FGF13: variants seen among roughly 807,000 people sequenced by gnomAD.
The protein encoded by FGF13 is fibroblast growth factor homologous factor 2.
In FGF13, 2 loss-of-function variants were observed where a neutral mutation model predicts 19.5. The observed-to-expected ratio is 0.10, with a 90% CI of 0.04 to 0.32. FGF13 has a LOEUF of 0.32. Ranked by LOEUF, FGF13 falls within the 10% of genes least tolerant of loss-of-function variation. FGF13 has a pLI of 1.00. For synonymous variants in FGF13, 72 were observed against 76.9 expected (o/e 0.94, Z 0.33); for missense variants, 113 against 192.7 (o/e 0.59, Z 2.45).
intron 1 of FGF13, among the ~76,000 whole-genome samples, chrX:138,958,519 G>T (rs1243611242): frequency 1.8e-5 from 2 of 111,697 alleles, no homozygotes; most frequent in African/African-American, 6.5e-5. Flanking sequence ...TTGGTATCAG[G>T]ATTATGCTGG....
At chrX:138,670,834 T>C (rs1237754858) in intron 3 of FGF13, among the ~76,000 whole-genome samples, 2 of 111,970 alleles carry the variant, frequency 1.8e-5, no homozygotes, top group Non-Finnish European at 3.8e-5. Context: ...TTAATTCAAG[T>C]CATCTGAGGA....
At chrX:138,638,271 C>T (rs1379562737) in intron 3 of FGF13, among the ~76,000 whole-genome samples, 2 of 112,076 alleles carry the variant, frequency 1.8e-5, no homozygotes, top group Non-Finnish European at 3.8e-5. Flanking sequence ...CACTACCATG[C>T]CTTCCAGCGT....
In FGF13 at chrX:139,069,526, G is replaced by A. The variant is rs751503413; in HGVS notation, c.-113+133890C>T. Among the ~76,000 whole-genome samples, 828 of 96,976 alleles carry A rather than the reference G, an allele frequency of 8.5e-3. 13 individuals are homozygous for A. The highest frequency in any genetic ancestry group is 0.03 in the African/African-American group (785 of 26,451). The allele number at this position is 96,976 out of a possible 115,157, so 84.2% of individuals were successfully genotyped here. A position where few individuals can be genotyped will look rare whatever the true frequency, so the allele number is the denominator to read the frequency against. On this transcript the variant is annotated intron_variant, in intron 1 of 2. Transcript: ENST00000421460. The stretch of plus-strand genomic sequence containing the variant: ...ATACCTAATGCTAGATGACGAGTTC[G>A]TGGGTGCAGCGCCCCAGCATGGCAC...
At chrX:138,958,199 C>A (rs1017552856) in intron 1 of FGF13, among the ~76,000 whole-genome samples, 10 of 111,702 alleles carry the variant, frequency 9.0e-5, no homozygotes, top group Middle Eastern at 4.6e-3. Context: ...AGATACGTCC[C>A]ATTGATACCT....
rs767827796 is a variant in FGF13 at position 139,021,884 on chromosome X, TTAAA to T, written c.-112-157238_-112-157235del. Among the ~76,000 whole-genome samples, 205 of 112,225 alleles carry T rather than the reference TTAAA, an allele frequency of 1.8e-3. 2 individuals carry two copies. Among genetic ancestry groups the T allele is most frequent in the African/African-American group, 6.3e-3 (197 of 31,052 alleles). On this transcript the variant is annotated intron_variant, in intron 1 of 2. Coordinates refer to the FGF13 transcript ENST00000421460. Reference sequence around the variant, plus strand: ...TGGTAAATACTTTAAAAGTGAATACTTAAATAAATAGCCACCACATCGACTTCAC... The same window carrying T: ...TGGTAAATACTTTAAAAGTGAATACTTAAATAGCCACCACATCGACTTCAC...
chrX:138,702,979 CT>C lies in FGF13; in HGVS notation c.402+4del. On this transcript the variant is annotated splice_donor_region_variant and intron_variant, in intron 3 of 4. Coordinates refer to ENST00000315930, the MANE Select transcript of FGF13 (RefSeq NM_004114.5). The stretch of plus-strand genomic sequence containing the variant: ...GTCAAAACATGCACACAGTCAAAAG[CT>C]TACCGAGGTGTACAAGTATCCCTCA... The C allele has an allele frequency of 8.5e-7, 1 of 1,180,306 alleles. No individual in the cohort carries two copies. Among genetic ancestry groups the C allele is most frequent in the Non-Finnish European group, 1.2e-6 (1 of 867,039 alleles).
At chrX:139,002,861 A>T (rs943585887) in intron 1 of FGF13, among the ~76,000 whole-genome samples, 31 of 111,979 alleles carry the variant, frequency 2.8e-4, no homozygotes, top group African/African-American at 9.1e-4. Flanking sequence ...TTGGGCCCTG[A>T]ATAACCAGTA....
At chrX:138,695,574 A>G (rs756265077) in intron 3 of FGF13, among the ~76,000 whole-genome samples, 1 of 111,823 alleles carries the variant, frequency 8.9e-6, no homozygotes, top group African/African-American at 3.2e-5. Context: ...TGGCTCAGAA[A>G]ACTGTGTGTG....
At chrX:138,770,867 G>A (rs149067455) in intron 3 of FGF13, among the ~76,000 whole-genome samples, 1 of 111,950 alleles carries the variant, frequency 8.9e-6, no homozygotes, top group Non-Finnish European at 1.9e-5. Flanking sequence ...TGCAAGGCAC[G>A]TATGTACATG....
chrX:139,074,130 GATGAGAGGA>G (rs753868646), intron 1 of FGF13, among the ~76,000 whole-genome samples: 83 of 111,854 alleles, frequency 7.4e-4, no homozygotes, highest in Non-Finnish European at 1.1e-3. Context: ...AGTACTTTAG[GATGAGAGGA>G]ATAACATGTG....
intron 1 of FGF13, among the ~76,000 whole-genome samples, chrX:139,124,848 G>A (rs1287315830): frequency 9.0e-6 from 1 of 111,578 alleles, no homozygotes; most frequent in Non-Finnish European, 1.9e-5. Context: ...AGGATTTGGG[G>A]AAGAAAGCAG....
chrX:139,102,258 T>G (rs2083520539), intron 1 of FGF13, among the ~76,000 whole-genome samples: 1 of 111,930 alleles, frequency 8.9e-6, no homozygotes, highest in African/African-American at 3.2e-5. Flanking sequence ...TATTACTTAC[T>G]ATGAACGTGG....
intron 1 of FGF13, among the ~76,000 whole-genome samples, chrX:139,130,213 T>G (rs1301694395): frequency 2.7e-5 from 3 of 112,129 alleles, no homozygotes; most frequent in African/African-American, 9.7e-5. Context: ...CACTATATAT[T>G]AACTCAGGGA....
At chrX:138,841,867 G>A (rs2091151988) in intron 3 of FGF13, among the ~76,000 whole-genome samples, 1 of 111,289 alleles carries the variant, frequency 9.0e-6, no homozygotes, top group South Asian at 3.8e-4. Flanking sequence ...GAACCAGGAT[G>A]AGGTAAGGAA....
At chrX:138,953,582 TAAAA>T (rs969131733) in intron 1 of FGF13, among the ~76,000 whole-genome samples, 3 of 110,644 alleles carry the variant, frequency 2.7e-5, no homozygotes, top group Non-Finnish European at 5.7e-5. Context: ...ATAATAATAA[TAAAA>T]AAAGAAAACA....
At chrX:138,789,256 C>T (rs1921098635) in intron 3 of FGF13, among the ~76,000 whole-genome samples, 1 of 110,468 alleles carries the variant, frequency 9.1e-6, no homozygotes, top group African/African-American at 3.3e-5. Flanking sequence ...GCAACCTCCG[C>T]CTCCCGGGTT....
intron 3 of FGF13, among the ~76,000 whole-genome samples, chrX:138,651,947 T>C (rs2089379280): frequency 9.0e-6 from 1 of 111,416 alleles, no homozygotes; most frequent in African/African-American, 3.3e-5. Flanking sequence ...TAATTTACAA[T>C]ATAAAGCAGA....
rs113618016 is a variant in FGF13 at position 138,900,870 on chromosome X, T to C, written c.-112-36220A>G. The stretch of plus-strand genomic sequence containing the variant: ...GAACATAATCAACATGTCCCTGCCA[T>C]AGAGGCTTTGCAATTCCTCTGCCCT... On this transcript the variant is annotated intron_variant, in intron 1 of 2. Transcript: ENST00000421460. Among the ~76,000 whole-genome samples the C allele has an allele frequency of 1.4e-3, 151 of 111,792 alleles. 1 individual carries two copies. The highest frequency in any genetic ancestry group is 4.3e-3 in the African/African-American group (131 of 30,787).
chrX:138,810,616 CTTCTGCACAGCTAAAGAAA>C (rs1569401108), intron 3 of FGF13, among the ~76,000 whole-genome samples: 1 of 112,075 alleles, frequency 8.9e-6, no homozygotes, highest in Non-Finnish European at 1.9e-5. Context: ...AACTAAAGAA[CTTCTGCACAGCTAAAGAAA>C]CTACCATCAG....
Sources: gnomAD v4.1 joint callset for allele counts (sites outside exome capture counted in the v4.1 genomes callset) on GRCh38, gnomAD v4.1.1 for gene constraint, MANE v1.5 for transcripts, NCBI Gene and HGNC (gene_info 2026-07-23, HGNC 2026-07-21) for gene names.